PSMB10: variants seen among roughly 807,000 people sequenced by gnomAD.
PSMB10 encodes proteasome 20S subunit beta 10.
Under a neutral mutation model 29.8 loss-of-function variants are expected in PSMB10, and 29 were observed. That is an observed-to-expected ratio of 0.97 (90% CI 0.73 to 1.33). The LOEUF (loss-of-function observed/expected upper bound fraction) is 1.33. Among genes scored for constraint, PSMB10 ranks in the 40% most tolerant of loss-of-function variants. The pLI is 0.00. For missense variants in PSMB10, 327 were observed against 369.2 expected, an observed-to-expected ratio of 0.89 and a Z score of 0.94; for synonymous variants, 157 against 164.7, an observed-to-expected ratio of 0.95 and a Z score of 0.36.
chr16:67,935,157 A>G, intron 6 of PSMB10: 1 of 719,664 alleles, frequency 1.4e-6, no homozygotes, highest in Non-Finnish European at 2.2e-6. Flanking sequence ...CGTTGATATA[A>G]GTAGGACCCT....
chr16:67,934,873 C>T lies in PSMB10; in HGVS notation c.634G>A (p.Val212Met). 1.9e-6 allele frequency: 3 copies of T among 1,614,028 alleles called. No homozygotes were observed. Among genetic ancestry groups the T allele is most frequent in the Non-Finnish European group, 2.5e-6 (3 of 1,180,026 alleles). Residue 212 changes from valine (V) to methionine (M), a missense_variant, in exon 7 of 8, where the codon GTG (valine) becomes ATG (methionine). Coordinates refer to ENST00000358514, the MANE Select transcript of PSMB10 (RefSeq NM_002801.4). This position sits in a 1 kb window ranked among gnomAD's most constrained non-coding sequence, Gnocchi z 4.3. ...GTCTTTGTGATCACACATGCGTCCA[C>T]ATTGCCCCCGGAGCCCAGGTCACCC... Reference protein sequence around the residue: ...ILGDLGSGGNVDACVITKTGA... With the variant: ...ILGDLGSGGNMDACVITKTGA...
At position 67,934,780 on chromosome 16, in the gene PSMB10, C is replaced by G; in HGVS notation, c.710+17G>C. 1.2e-6 allele frequency: 2 copies of G among 1,612,164 alleles called. No individual in the cohort carries two copies. Among genetic ancestry groups the G allele is most frequent in the Non-Finnish European group, 1.7e-6 (2 of 1,178,434 alleles). ...TAGCCCCACACATCCCTGTGGTCCCCGATCTCCAGCTCTCACCTCTTCACG... is the reference window on the plus strand; with the variant it reads ...TAGCCCCACACATCCCTGTGGTCCCGGATCTCCAGCTCTCACCTCTTCACG... On this transcript the variant is annotated intron_variant, in intron 7 of 7. Transcript: ENST00000358514. The surrounding 1 kb of genome is among the most constrained non-coding windows in gnomAD (Gnocchi z 4.3).
Position 67,935,962 on chromosome 16 carries a change from C to T in PSMB10, c.383+1G>A. The stretch of plus-strand genomic sequence containing the variant: ...GGGTCCTGTTAGCCCTGCCCCCGCA[C>T]CTGAAGAGCGTCTGGCGCAGGATGC... On this transcript the variant is annotated splice_donor_variant, in intron 4 of 7. Transcript: ENST00000358514. LOFTEE classifies it high-confidence loss of function. The T allele has an allele frequency of 6.2e-7, 1 of 1,609,026 alleles. No homozygotes were observed. The highest frequency in any genetic ancestry group is 8.5e-7 in the Non-Finnish European group (1 of 1,176,812).
chr16:67,935,431 G>C lies in PSMB10; in HGVS notation c.547C>G (p.Pro183Ala). ...ALAVLEDRFQPNMTLEAAQGL... is the reference protein window; with the variant it reads ...ALAVLEDRFQANMTLEAAQGL... ...CAGAGGCCGCTCACCGTCATGTTCGGCTGGAACCGGTCTTCTAGCACCGCC... is the reference window on the plus strand; with the variant it reads ...CAGAGGCCGCTCACCGTCATGTTCGCCTGGAACCGGTCTTCTAGCACCGCC... The change falls in exon 6 of 8, where the codon CCG becomes GCG. Residue 183 changes from proline to alanine, a missense_variant. By Grantham distance (27) the Pro-to-Ala change is conservative. Transcript: ENST00000358514. 3 of 1,613,978 alleles carry C rather than the reference G, an allele frequency of 1.9e-6. No individual in the cohort carries two copies. Among genetic ancestry groups the C allele is most frequent in the Non-Finnish European group, 2.5e-6 (3 of 1,180,038 alleles).
Position 67,935,968 on chromosome 16 carries a change from G to T in PSMB10, c.378C>A (p.Leu126=). 1 of 1,610,198 alleles carries T rather than the reference G, an allele frequency of 6.2e-7. No individual in the cohort carries two copies. The highest frequency in any genetic ancestry group is 1.3e-5 in the African/African-American group (1 of 74,998). Residue 126 remains leucine, a synonymous_variant, in exon 4 of 8, where the codon CTC becomes CTA. Transcript: ENST00000358514. ...TGTTAGCCCTGCCCCCGCACCTGAAGAGCGTCTGGCGCAGGATGCGAGTGA... is the reference window on the plus strand; with the variant it reads ...TGTTAGCCCTGCCCCCGCACCTGAATAGCGTCTGGCGCAGGATGCGAGTGA... ...ATVTRILRQT[L]FRYQGHVGAS...
intron 5 of PSMB10, 41 bp from the exon 6 acceptor site, chr16:67,935,519 CCG>C: frequency 6.2e-7 from 1 of 1,614,006 alleles, no homozygotes; most frequent in Non-Finnish European, 8.5e-7. Flanking sequence ...CGCTGCGACG[CCG>C]TTTGGAGTGA....
chr16:67,934,834 G>T lies in PSMB10; in HGVS notation c.673C>A (p.Leu225Met), dbSNP rs144122422. The T allele has an allele frequency of 8.7e-6, 14 of 1,614,120 alleles. No individual in the cohort carries two copies. The highest frequency in any genetic ancestry group is 1.1e-5 in the Non-Finnish European group (13 of 1,180,026). Residue 225 changes from leucine to methionine, a missense_variant, in exon 7 of 8, where the codon CTG becomes ATG. Physicochemically the swap from Leu to Met is conservative, Grantham distance 15 (BLOSUM62 2). Coordinates refer to ENST00000358514, the MANE Select transcript of PSMB10 (RefSeq NM_002801.4). This position sits in a 1 kb window ranked among gnomAD's most constrained non-coding sequence, Gnocchi z 4.3. ...CVITKTGAKLLRTLSSPTEPV... is the reference protein window; with the variant it reads ...CVITKTGAKLMRTLSSPTEPV... ...TCTGTGGGTGAGCTCAGTGTCCGCA[G>T]CAGCTTGGCGCCAGTCTTTGTGATC...
At chr16:67,935,076 C>T in intron 6 of PSMB10, 128 bp from the exon 7 acceptor site, 1 of 1,303,204 alleles carries the variant, frequency 7.7e-7, no homozygotes, top group Non-Finnish European at 1.0e-6. Context: ...GTTTCTCCCT[C>T]TGAGCCTTAG....
chr16:67,935,067 T>C (rs2058257675), intron 6 of PSMB10, 119 bp from the exon 7 acceptor site: 1 of 1,354,940 alleles, frequency 7.4e-7, no homozygotes, highest in Non-Finnish European at 1.0e-6. Context: ...CCCCACTGTG[T>C]TTCTCCCTCT....
chr16:67,935,688 G>A lies in PSMB10; in HGVS notation c.393C>T (p.Gly131=), dbSNP rs755234526. The change falls in exon 5 of 8, where the codon GGC becomes GGT. Residue 131 remains glycine (G), a synonymous_variant. Coordinates refer to ENST00000358514, the MANE Select transcript of PSMB10 (RefSeq NM_002801.4). ...CCACGATCAGCGATGCACCCACGTGGCCCTGGTACCTGCTCGAGGATGGGC... is the reference window on the plus strand; with the variant it reads ...CCACGATCAGCGATGCACCCACGTGACCCTGGTACCTGCTCGAGGATGGGC... The part of the protein sequence containing the change: ...ILRQTLFRYQ[G]HVGASLIVGG... 6.2e-7 allele frequency: 1 copy of A among 1,613,754 alleles called. No individual in the cohort carries two copies. Among genetic ancestry groups the A allele is most frequent in the South Asian group, 1.1e-5 (1 of 91,058 alleles).
chr16:67,936,284 C>T lies in PSMB10; in HGVS notation c.173G>A (p.Arg58Gln), dbSNP rs751484833. Residue 58 changes from arginine to glutamine, a missense_variant, in exon 3 of 8, where the codon CGA (arginine) becomes CAA (glutamine). By Grantham distance (43) the Arg-to-Gln change is conservative. Coordinates refer to ENST00000358514, the MANE Select transcript of PSMB10 (RefSeq NM_002801.4). The stretch of plus-strand genomic sequence containing the variant: ...CGCCACGACCGAATCGTTAGTGGCT[C>T]GCGTATCGGCGCCCAGAATGACCCC... ...QDGVILGADT[R>Q]ATNDSVVADK... 1.9e-6 allele frequency: 3 copies of T among 1,613,636 alleles called. No homozygotes were observed. Among genetic ancestry groups the T allele is most frequent in the Admixed American group, 3.3e-5 (2 of 59,992 alleles).
Position 67,936,282 on chromosome 16 carries a change from C to A in PSMB10, c.175G>T (p.Ala59Ser), listed in dbSNP as rs1362787077. 2 of 1,613,674 alleles carry A rather than the reference C, an allele frequency of 1.2e-6. No individual in the cohort carries two copies. Among genetic ancestry groups the A allele is most frequent in the Non-Finnish European group, 1.7e-6 (2 of 1,179,940 alleles). Reference sequence around the variant, plus strand: ...TCCGCCACGACCGAATCGTTAGTGGCTCGCGTATCGGCGCCCAGAATGACC... The same window carrying A: ...TCCGCCACGACCGAATCGTTAGTGGATCGCGTATCGGCGCCCAGAATGACC... ...DGVILGADTR[A>S]TNDSVVADKS... Residue 59 changes from alanine (A) to serine (S), a missense_variant, in exon 3 of 8, where the codon GCC becomes TCC. Coordinates refer to ENST00000358514, the MANE Select transcript of PSMB10 (RefSeq NM_002801.4).
At chr16:67,936,514 C>T (rs778103345) in intron 1 of PSMB10, 29 bp from the exon 2 acceptor site, 1 of 1,592,444 alleles carries the variant, frequency 6.3e-7, no homozygotes, top group Non-Finnish European at 8.6e-7. Context: ...GCCCATGTTT[C>T]GGCTCTGCTT....
At chr16:67,936,550 C>G in intron 1 of PSMB10, 65 bp from the exon 2 acceptor site, 1 of 1,493,468 alleles carries the variant, frequency 6.7e-7, no homozygotes, top group South Asian at 1.2e-5. Flanking sequence ...CTTCCCCTAA[C>G]CTGGTCCCCG....
In PSMB10 at chr16:67,934,629, C is replaced by T. The variant is rs1382582258; in HGVS notation, c.753G>A (p.Leu251=). Residue 251 remains leucine (L), a synonymous_variant, in exon 8 of 8, where the codon CTG becomes CTA. Coordinates refer to ENST00000358514, the MANE Select transcript of PSMB10 (RefSeq NM_002801.4). The surrounding 1 kb of genome is among the most constrained non-coding windows in gnomAD (Gnocchi z 4.3). The part of the protein sequence containing the change: ...YHFVPGTTAV[L]TQTVKPLTLE... ...GGGTTAGTGGCTTCACTGTCTGGGT[C>T]AGGACAGCTGTGGTTCCAGGCACAA... The T allele has an allele frequency of 6.2e-7, 1 of 1,614,066 alleles. No individual in the cohort carries two copies. The highest frequency in any genetic ancestry group is 1.7e-5 in the Admixed American group (1 of 60,008).
At chr16:67,935,036 A>G in intron 6 of PSMB10, 88 bp from the exon 7 acceptor site, 4 of 1,513,080 alleles carry the variant, frequency 2.6e-6, no homozygotes, top group Non-Finnish European at 3.5e-6. Context: ...CACTTACCCA[A>G]TCTGGTCTTG....
In PSMB10 at chr16:67,935,646, AGTCAGGT is replaced by A. The variant is rs774040854; in HGVS notation, c.428_434del (p.Asp143ValfsTer33). Reference sequence around the variant, plus strand: ...GATGCACACCGTAGAGCTGCGGTCCAGTCAGGTCTACGCCGCCCACGATCAGCGATGC... The same window carrying A: ...GATGCACACCGTAGAGCTGCGGTCCACTACGCCGCCCACGATCAGCGATGC... On this transcript the variant is annotated frameshift_variant, in exon 5 of 8. Coordinates refer to ENST00000358514, the MANE Select transcript of PSMB10 (RefSeq NM_002801.4). LOFTEE classifies it high-confidence loss of function. The A allele has an allele frequency of 1.9e-6, 3 of 1,614,152 alleles. No individual in the cohort carries two copies. Among genetic ancestry groups the A allele is most frequent in the Non-Finnish European group, 2.5e-6 (3 of 1,179,996 alleles).
In PSMB10 at chr16:67,935,956, C is replaced by T. The variant is rs370963927; in HGVS notation, c.383+7G>A. ...CTGCCGGGGTCCTGTTAGCCCTGCC[C>T]CCGCACCTGAAGAGCGTCTGGCGCA... On this transcript the variant is annotated splice_region_variant and intron_variant, in intron 4 of 7. Coordinates refer to ENST00000358514, the MANE Select transcript of PSMB10 (RefSeq NM_002801.4). The T allele has an allele frequency of 1.2e-5, 19 of 1,606,124 alleles. No homozygotes were observed. The highest frequency in any genetic ancestry group is 8.0e-5 in the African/African-American group (6 of 74,924).
chr16:67,936,532 C>G (rs1174284251), intron 1 of PSMB10, 47 bp from the exon 2 acceptor site: 1 of 1,551,924 alleles, frequency 6.4e-7, no homozygotes, highest in Non-Finnish European at 8.8e-7. Context: ...CTTTCAAGAC[C>G]CCTGTTGCTT....
Sources: gnomAD v4.1 joint callset for allele counts on GRCh38, gnomAD v4.1.1 for gene constraint, Gnocchi (gnomAD v3.1) non-coding constraint, MANE v1.5 for transcripts, NCBI Gene and HGNC (gene_info 2026-07-23, HGNC 2026-07-21) for gene names.